The following MARCHF1 variants were observed in gnomAD, a reference collection of about 807,000 sequenced individuals.
MARCHF1 encodes the protein membrane associated ring-CH-type finger 1.
A neutral mutation model predicts 54.2 loss-of-function variants in MARCHF1; 40 were observed. The ratio of observed to expected loss-of-function variants is 0.74; its 90% CI spans 0.57 to 0.96. MARCHF1 has a LOEUF of 0.96. Among genes scored for constraint, MARCHF1 ranks in the 40% least tolerant of loss-of-function variants. The pLI is 0.00. For synonymous variants in MARCHF1, 236 were observed against 236.3 expected (o/e 1.00, Z 0.01); for missense variants, 586 against 656.5 (o/e 0.89, Z 1.17).
intron 2 of MARCHF1, among the ~76,000 whole-genome samples, chr4:164,084,457 A>C (rs1398189895): frequency 1.3e-5 from 2 of 151,928 alleles, no homozygotes; most frequent in African/African-American, 4.8e-5. Flanking sequence ...TTAAATAAGA[A>C]AAGTAAAAGA....
chr4:164,198,008 T>C (rs1026440681), intron 1 of MARCHF1, among the ~76,000 whole-genome samples: 2 of 152,180 alleles, frequency 1.3e-5, no homozygotes, highest in African/African-American at 4.8e-5. Flanking sequence ...CCCTCTACAC[T>C]ACTTACTGTG....
chr4:164,024,259 G>A (rs566525466), intron 2 of MARCHF1, among the ~76,000 whole-genome samples: 9 of 152,102 alleles, frequency 5.9e-5, no homozygotes, highest in African/African-American at 1.9e-4. Flanking sequence ...TACCATACAA[G>A]TTGACCACCC....
chr4:164,044,051 C>A (rs985538272), intron 2 of MARCHF1, among the ~76,000 whole-genome samples: 1 of 152,178 alleles, frequency 6.6e-6, no homozygotes, highest in Non-Finnish European at 1.5e-5. Flanking sequence ...TTGCTCAAAA[C>A]CATTCAACAA....
intron 1 of MARCHF1, among the ~76,000 whole-genome samples, chr4:164,327,781 G>A (rs908909398): frequency 2.6e-5 from 4 of 152,160 alleles, no homozygotes; most frequent in African/African-American, 9.7e-5. Flanking sequence ...GGAATTTGGG[G>A]AAACAAAGGA....
At chr4:163,591,022 GATCA>G (rs1740572178) in intron 7 of MARCHF1, among the ~76,000 whole-genome samples, 1 of 151,374 alleles carries the variant, frequency 6.6e-6, no homozygotes, top group South Asian at 2.1e-4. Flanking sequence ...TAAAGTAAGT[GATCA>G]ATTAAGTGAC....
At chr4:164,328,683 G>T (rs558735270) in intron 1 of MARCHF1, among the ~76,000 whole-genome samples, 4 of 151,914 alleles carry the variant, frequency 2.6e-5, no homozygotes, top group Non-Finnish European at 4.4e-5. Context: ...GCATGCACCA[G>T]CACGCTCAGC....
At chr4:163,757,715 G>T (rs1259470517) in intron 4 of MARCHF1, among the ~76,000 whole-genome samples, 2 of 152,108 alleles carry the variant, frequency 1.3e-5, no homozygotes, top group Non-Finnish European at 2.9e-5. Context: ...ATGAATTTAA[G>T]GGTTCTGTTG....
In MARCHF1 at chr4:164,375,313, A is replaced by G. The variant is rs368732824; in HGVS notation, c.-323+8557T>C. On this transcript the variant is annotated intron_variant, in intron 1 of 9. Coordinates refer to ENST00000514618, the MANE Select transcript of MARCHF1 (RefSeq NM_001394959.1). ...TACCCATAATTCTACCACTCTAAAA[A>G]TTAATAGATAACTAGCAAAAATATA... Among the ~76,000 whole-genome samples the G allele has an allele frequency of 2.4e-4, 37 of 152,320 alleles. 4 individuals are homozygous for G. The East Asian group carries it at 3.5e-3, about 14-fold the overall frequency.
chr4:163,636,282 T>A (rs1742318853), intron 5 of MARCHF1, among the ~76,000 whole-genome samples: 1 of 149,336 alleles, frequency 6.7e-6, no homozygotes, highest in African/African-American at 2.5e-5. Context: ...GGGTATTCAA[T>A]TAGGAAAAGA....
chr4:163,576,699 A>G (rs183132901), intron 8 of MARCHF1, among the ~76,000 whole-genome samples: 302 of 152,100 alleles, frequency 2.0e-3, no homozygotes, highest in Non-Finnish European at 3.9e-3. Flanking sequence ...TAGATCTACA[A>G]GTACTTTTTT....
intron 1 of MARCHF1, among the ~76,000 whole-genome samples, chr4:164,340,405 T>TTATATACATACATATA (rs58808830): frequency 0.016 from 1,574 of 95,566 alleles, 107 homozygotes; most frequent in South Asian, 0.039. Flanking sequence ...AGGCCTTGAT[T>TTATATACATACATATA]TATATATAGA....
intron 4 of MARCHF1, among the ~76,000 whole-genome samples, chr4:163,765,635 G>A (rs1424055676): frequency 5.9e-5 from 9 of 151,670 alleles, no homozygotes; most frequent in East Asian, 3.9e-4. Context: ...AGAGAAATAC[G>A]TATGTAGACC....
chr4:163,989,948 A>C (rs1752942031), intron 2 of MARCHF1, among the ~76,000 whole-genome samples: 1 of 152,190 alleles, frequency 6.6e-6, no homozygotes, highest in Admixed American at 6.5e-5. Flanking sequence ...AATCACAGAG[A>C]TCTTCAAAGT....
intron 1 of MARCHF1, among the ~76,000 whole-genome samples, chr4:164,340,848 G>A (rs940396573): frequency 6.6e-6 from 1 of 150,462 alleles, no homozygotes; most frequent in African/African-American, 2.5e-5. Context: ...GTGAGCCACT[G>A]TGCTGGGCCC....
intron 4 of MARCHF1, among the ~76,000 whole-genome samples, chr4:163,767,039 C>T (rs1746997198): frequency 6.7e-6 from 1 of 148,520 alleles, no homozygotes; most frequent in Non-Finnish European, 1.5e-5. Context: ...CATTTAATTC[C>T]CATAAAAATC....
intron 4 of MARCHF1, among the ~76,000 whole-genome samples, chr4:163,733,579 A>G (rs1187846503): frequency 6.6e-6 from 1 of 151,526 alleles, no homozygotes; most frequent in African/African-American, 2.4e-5. Flanking sequence ...AGCATTAGGT[A>G]TATCTCCTAA....
chr4:164,024,546 A>G (rs1469882788), intron 2 of MARCHF1, among the ~76,000 whole-genome samples: 2 of 152,226 alleles, frequency 1.3e-5, no homozygotes, highest in Non-Finnish European at 2.9e-5. Context: ...CACTAAAGGA[A>G]TTCATTATAA....
chr4:163,992,696 G>A (rs907747273), intron 2 of MARCHF1, among the ~76,000 whole-genome samples: 18 of 150,328 alleles, frequency 1.2e-4, no homozygotes, highest in African/African-American at 4.4e-4. Context: ...CCAGACCCCA[G>A]ACCTGGCAGA....
intron 1 of MARCHF1, among the ~76,000 whole-genome samples, chr4:164,276,496 G>A (rs991250041): frequency 6.6e-5 from 10 of 151,706 alleles, no homozygotes; most frequent in Admixed American, 1.3e-4. Flanking sequence ...GTGTGTACAT[G>A]TGCACACACA....
Sources: gnomAD v4.1 joint callset for allele counts (sites outside exome capture counted in the v4.1 genomes callset) on GRCh38, gnomAD v4.1.1 for gene constraint, MANE v1.5 for transcripts, NCBI Gene and HGNC (gene_info 2026-07-23, HGNC 2026-07-21) for gene names.